Variants in CHN1 observed in about 807,000 individuals in gnomAD.
The protein encoded by CHN1 is chimerin 1, also known as N-chimaerin.
Under a neutral mutation model 59.5 loss-of-function variants are expected in CHN1, and 37 were observed. The observed-to-expected ratio is 0.62, with a 90% CI of 0.48 to 0.82. The LOEUF is 0.82. Among genes scored for constraint, CHN1 ranks in the 40% least tolerant of loss-of-function variants. CHN1 has a pLI of 0.00. For synonymous variants in CHN1, 206 were observed against 200.4 expected (o/e 1.03, Z -0.24); for missense variants, 469 against 571.0 (o/e 0.82, Z 1.82).
chr2:174,818,062 C>T (rs2105392542), intron 8 of CHN1, among the ~76,000 whole-genome samples: 1 of 152,310 alleles, frequency 6.6e-6, no homozygotes, highest in Middle Eastern at 3.4e-3. Flanking sequence ...CGTGAGTTAC[C>T]ACATCCAGTA....
At chr2:174,864,142 CT>C (rs983848376) in intron 6 of CHN1, among the ~76,000 whole-genome samples, 76 of 151,876 alleles carry the variant, frequency 5.0e-4, no homozygotes, top group African/African-American at 1.8e-3. Context: ...TTTTCTTTTT[CT>C]TTTTTTTAAC....
intron 7 of CHN1, among the ~76,000 whole-genome samples, chr2:174,839,757 C>T (rs911600952): frequency 6.6e-6 from 1 of 152,088 alleles, no homozygotes; most frequent in Non-Finnish European, 1.5e-5. Context: ...GCATGTGCCA[C>T]CACGCCCAGC....
chr2:174,836,245 G>T (rs1160004434), intron 7 of CHN1, among the ~76,000 whole-genome samples: 1 of 152,174 alleles, frequency 6.6e-6, no homozygotes. Context: ...AGTTGTCACA[G>T]TTCTATACTA....
intron 4 of CHN1, among the ~76,000 whole-genome samples, chr2:174,916,296 G>A (rs1688846848): frequency 1.3e-5 from 2 of 152,040 alleles, no homozygotes; most frequent in Admixed American, 1.3e-4. Flanking sequence ...TTTTGGAGTG[G>A]GATTCACTTT....
At chr2:174,822,564 A>C (rs1685533922) in intron 8 of CHN1, among the ~76,000 whole-genome samples, 4 of 152,236 alleles carry the variant, frequency 2.6e-5, no homozygotes, top group Admixed American at 2.6e-4. Context: ...CAGTCATAAA[A>C]CATTTAAAAA....
At chr2:174,886,892 T>G (rs1187180558) in intron 5 of CHN1, among the ~76,000 whole-genome samples, 1 of 152,228 alleles carries the variant, frequency 6.6e-6, no homozygotes, top group African/African-American at 2.4e-5. Context: ...CCATTGCAAG[T>G]GCACAATTCA....
At chr2:174,965,376 A>G (rs1574221702) in intron 1 of CHN1, among the ~76,000 whole-genome samples, 1 of 152,122 alleles carries the variant, frequency 6.6e-6, no homozygotes, top group African/African-American at 2.4e-5. Flanking sequence ...CCTCTGGTGA[A>G]GTTTAAACCT....
rs562328333 is a variant in CHN1 at position 174,799,325 on chromosome 2, C to A, written c.*791G>T. On this transcript the variant is annotated 3_prime_UTR_variant, in exon 13 of 13. Transcript: ENST00000409900. ...TAAACAAAAGAGGTCAGAAGAAGTA[C>A]TCAGTATTTAATAAATGGCCAAACA... 1.3e-5 allele frequency: 5 copies of A among 382,814 alleles called. No individual in the cohort carries two copies. The highest frequency in any genetic ancestry group is 2.5e-5 in the Non-Finnish European group (5 of 200,236). The allele number at this position is 382,814 out of a possible 1,614,324, so 23.7% of individuals were successfully genotyped here.
At chr2:174,892,382 T>A (rs1688079547) in intron 5 of CHN1, among the ~76,000 whole-genome samples, 1 of 152,226 alleles carries the variant, frequency 6.6e-6, no homozygotes, top group Admixed American at 6.5e-5. Context: ...TTGGCCCTTT[T>A]TCCCTTCTGT....
chr2:174,907,697 A>T (rs1275193281), intron 5 of CHN1, among the ~76,000 whole-genome samples: 1 of 151,326 alleles, frequency 6.6e-6, no homozygotes, highest in East Asian at 1.9e-4. Flanking sequence ...ACAAAGAAGT[A>T]ACAATCATGT....
At chr2:174,896,130 A>AC (rs397744668) in intron 5 of CHN1, among the ~76,000 whole-genome samples, 1 of 151,750 alleles carries the variant, frequency 6.6e-6, no homozygotes, top group African/African-American at 2.4e-5. Context: ...TAAAAAAAAA[A>AC]CTCCTTTATA....
chr2:174,807,639 T>C (rs1684941450), intron 11 of CHN1, among the ~76,000 whole-genome samples: 1 of 152,034 alleles, frequency 6.6e-6, no homozygotes, highest in African/African-American at 2.4e-5. Flanking sequence ...AGACCTAGAA[T>C]TTTTCATGCT....
chr2:174,832,356 T>A (rs906916623), intron 7 of CHN1, among the ~76,000 whole-genome samples: 4 of 152,088 alleles, frequency 2.6e-5, no homozygotes, highest in Admixed American at 1.3e-4. Context: ...CTTGGTTTAA[T>A]TGATTCTTCT....
At chr2:174,940,317 A>G (rs1159212512) in intron 3 of CHN1, among the ~76,000 whole-genome samples, 1 of 152,114 alleles carries the variant, frequency 6.6e-6, no homozygotes, top group Non-Finnish European at 1.5e-5. Context: ...GTGAGCCGCC[A>G]CGCCCAGCCG....
intron 1 of CHN1, among the ~76,000 whole-genome samples, chr2:174,957,678 G>T (rs1690257746): frequency 6.6e-6 from 1 of 151,948 alleles, no homozygotes. Context: ...TTCCTTGTGG[G>T]GCTCCAAACC....
chr2:174,927,572 T>G (rs557780036), intron 3 of CHN1, among the ~76,000 whole-genome samples: 2 of 152,376 alleles, frequency 1.3e-5, no homozygotes, highest in East Asian at 3.9e-4. Flanking sequence ...ACAATGTTAT[T>G]TCTTTTTTTT....
rs1687807008 is a variant in CHN1 at position 174,883,737 on chromosome 2, A to G, written c.261-5609T>C. On this transcript the variant is annotated intron_variant, in intron 5 of 12. Transcript: ENST00000409900. ...AAAATATGCTCAAAAAACCCAAAAT[A>G]AGATGTTTCCTGTTCCTATTCTTGA... 6.6e-5 allele frequency among the ~76,000 whole-genome samples: 10 copies of G among 152,250 alleles called. No homozygotes were observed. In the South Asian group the frequency reaches 2.1e-3, roughly 32 times the overall value.
At chr2:174,800,844 G>A (rs1340850732) in intron 12 of CHN1, among the ~76,000 whole-genome samples, 1 of 152,186 alleles carries the variant, frequency 6.6e-6, no homozygotes, top group Non-Finnish European at 1.5e-5. Context: ...CTGTTTTAGT[G>A]TGGAACACTT....
Position 174,894,611 on chromosome 2 carries a change from C to T in CHN1, c.261-16483G>A, listed in dbSNP as rs572591259. ...GAACTATTATTATGACCCAGCAATCCGACTTCCGCATATCTATTCAAAAGG... is the reference window on the plus strand; with the variant it reads ...GAACTATTATTATGACCCAGCAATCTGACTTCCGCATATCTATTCAAAAGG... On this transcript the variant is annotated intron_variant, in intron 5 of 12. Coordinates refer to ENST00000409900, the MANE Select transcript of CHN1 (RefSeq NM_001822.7). 2.0e-4 allele frequency among the ~76,000 whole-genome samples: 30 copies of T among 152,182 alleles called. No individual in the cohort carries two copies. The South Asian group carries it at 5.8e-3, about 30-fold the overall frequency.
Sources: gnomAD v4.1 joint callset for allele counts (sites outside exome capture counted in the v4.1 genomes callset) on GRCh38, gnomAD v4.1.1 for gene constraint, MANE v1.5 for transcripts, NCBI Gene and HGNC (gene_info 2026-07-23, HGNC 2026-07-21) for gene names.